PTPRS: variants seen among roughly 807,000 people sequenced by gnomAD.
PTPRS encodes receptor-type tyrosine-protein phosphatase S.
A neutral mutation model predicts 215.3 loss-of-function variants in PTPRS; 63 were observed. The ratio of observed to expected loss-of-function variants is 0.29; its 90% CI spans 0.24 to 0.36. The LOEUF (loss-of-function observed/expected upper bound fraction) is 0.36. Among genes scored for constraint, PTPRS ranks in the 10% least tolerant of loss-of-function variants. The probability of loss-of-function intolerance (pLI) is 1.00; values close to 1 mark genes in which losing one functional copy is unlikely to be tolerated. For synonymous variants in PTPRS, 1,404 were observed against 1,191.4 expected (o/e 1.18, Z -3.68); for missense variants, 2,258 against 2,825.8 (o/e 0.80, Z 4.56).
At chr19:5,208,886 C>G (rs527981694) in intron 35 of PTPRS, among the ~76,000 whole-genome samples, 1 of 152,160 alleles carries the variant, frequency 6.6e-6, no homozygotes, top group African/African-American at 2.4e-5. Context: ...CACCATGATC[C>G]TCTGTCATCT....
At chr19:5,253,063 T>TTA (rs1205624648) in intron 9 of PTPRS, among the ~76,000 whole-genome samples, 1 of 152,084 alleles carries the variant, frequency 6.6e-6, no homozygotes. Flanking sequence ...ACTCATACTC[T>TTA]AAAGGCTTAG....
intron 2 of PTPRS, among the ~76,000 whole-genome samples, chr19:5,276,177 G>A (rs1219742964): frequency 2.0e-5 from 3 of 152,192 alleles, no homozygotes; most frequent in African/African-American, 7.2e-5. Flanking sequence ...ACGATCTGAT[G>A]TATTCATTCA....
intron 2 of PTPRS, among the ~76,000 whole-genome samples, chr19:5,277,276 T>C (rs966443133): frequency 6.6e-6 from 1 of 151,960 alleles, no homozygotes; most frequent in Non-Finnish European, 1.5e-5. Flanking sequence ...CAAGAGCCCT[T>C]AGGAAGCAGC....
chr19:5,226,610 G>A (rs1015617000), intron 16 of PTPRS, among the ~76,000 whole-genome samples: 3 of 151,494 alleles, frequency 2.0e-5, no homozygotes, highest in Non-Finnish European at 2.9e-5. Context: ...AAAGCCAGGC[G>A]TGGTGGCACA....
intron 4 of PTPRS, among the ~76,000 whole-genome samples, chr19:5,271,795 G>A (rs2046935676): frequency 6.6e-6 from 1 of 151,814 alleles, no homozygotes; most frequent in Non-Finnish European, 1.5e-5. Flanking sequence ...TGTGATCTCA[G>A]CTCACTGCAA....
At chr19:5,292,492 A>C (rs1389696818) in intron 1 of PTPRS, among the ~76,000 whole-genome samples, 1 of 152,182 alleles carries the variant, frequency 6.6e-6, no homozygotes, top group Admixed American at 6.5e-5. Context: ...CTTAGAGCCC[A>C]GGGACGGGAA....
In PTPRS at chr19:5,258,058, G is replaced by A; in HGVS notation, c.665C>T (p.Ala222Val). ...GKYECVATNSAGVRYSSPANL... is the reference protein window; with the variant it reads ...GKYECVATNSVGVRYSSPANL... Reference sequence around the variant, plus strand: ...GGCAGGTGAGGAGTAGCGCACGCCGGCGCTGTTGGTGGCCACACACTCATA... The same window carrying A: ...GGCAGGTGAGGAGTAGCGCACGCCGACGCTGTTGGTGGCCACACACTCATA... The change falls in exon 8 of 38, where the codon GCC becomes GTC. Residue 222 changes from alanine to valine, a missense_variant. By Grantham distance (64) the Ala-to-Val change is moderately conservative. This residue lies in a region of PTPRS where 508 missense variants were observed against 799.4 expected (regional missense o/e 0.64). Coordinates refer to ENST00000262963, the MANE Select transcript of PTPRS (RefSeq NM_002850.4). The A allele has an allele frequency of 3.1e-6, 5 of 1,614,158 alleles. No homozygotes were observed. The highest frequency in any genetic ancestry group is 2.2e-5 in the East Asian group (1 of 44,874).
chr19:5,263,039 C>T, intron 5 of PTPRS, 67 bp from the exon 6 acceptor site: 6 of 692,288 alleles, frequency 8.7e-6, no homozygotes, highest in South Asian at 4.6e-5. Context: ...ACAAAGAATC[C>T]TATGTCCTCA....
chr19:5,265,713 G>A (rs1020055937), intron 4 of PTPRS, among the ~76,000 whole-genome samples: 13 of 151,810 alleles, frequency 8.6e-5, no homozygotes, highest in African/African-American at 3.1e-4. Flanking sequence ...TTTCTCACTG[G>A]GGGGTGACTC....
At chr19:5,274,474 G>A (rs187811476) in intron 2 of PTPRS, 130 bp from the exon 3 acceptor site, 132 of 1,146,164 alleles carry the variant, frequency 1.2e-4, no homozygotes, top group African/African-American at 1.6e-5. Context: ...GAAGAGAGGA[G>A]GAGGAAAGCA....
In PTPRS at chr19:5,265,059, G is replaced by A. The variant is rs1568514138; in HGVS notation, c.517C>T (p.Leu173=). The A allele has an allele frequency of 1.9e-6, 3 of 1,614,168 alleles. No homozygotes were observed. The highest frequency in any genetic ancestry group is 2.2e-5 in the East Asian group (1 of 44,884). The change falls in exon 5 of 38, where the codon CTG becomes TTG. Residue 173 remains leucine, a synonymous_variant. Transcript: ENST00000262963. ...DPEITWFKDF[L]PVDPSASNGR... The stretch of plus-strand genomic sequence containing the variant: ...TTGCTGGCACTAGGATCCACAGGCA[G>A]GAAGTCCTTGAACCAGGTGATCTCA...
rs1218307808 is a variant in PTPRS at position 5,333,308 on chromosome 19, A to T, written c.-95+7356T>A. Among the ~76,000 whole-genome samples the T allele has an allele frequency of 3.3e-5, 4 of 122,174 alleles. No homozygotes were observed. The East Asian group carries it at 8.6e-4, about 26-fold the overall frequency. The allele number at this position is 122,174 out of a possible 152,430, so 80.2% of individuals were successfully genotyped here. ...CAATATGGTGAAACCCATCTCTACA[A>T]AAAAAAAATAAATAAATAATAATAA... On this transcript the variant is annotated intron_variant, in intron 1 of 37. Coordinates refer to ENST00000262963, the MANE Select transcript of PTPRS (RefSeq NM_002850.4).
At chr19:5,234,680 G>A (rs1259994604) in intron 13 of PTPRS, among the ~76,000 whole-genome samples, 1 of 151,872 alleles carries the variant, frequency 6.6e-6, no homozygotes, top group Non-Finnish European at 1.5e-5. Flanking sequence ...AACCCCTACT[G>A]CGTGCCAGGC....
chr19:5,305,068 T>C (rs1600083144), intron 1 of PTPRS, among the ~76,000 whole-genome samples: 1 of 137,452 alleles, frequency 7.3e-6, no homozygotes, highest in East Asian at 2.2e-4. Flanking sequence ...GTGGTCTCTC[T>C]GAACAGGTGT....
rs146212544 is a variant in PTPRS, at chr19:5,323,696, G to C, written c.-95+16968C>G. ...GAGGGGACGGCAGGGAAGGGATGGA[G>C]CAGGTTGTGCAAGGCCTGGTGGGCT... is the stretch of plus-strand genomic sequence containing the variant. On this transcript the variant is annotated intron_variant, in intron 1 of 37. Transcript: ENST00000262963. 4.6e-3 allele frequency among the ~76,000 whole-genome samples: 703 copies of C among 152,350 alleles called. 5 individuals carry two copies. The highest frequency in any genetic ancestry group is 0.017 in the African/African-American group (687 of 41,590).
intron 2 of PTPRS, among the ~76,000 whole-genome samples, chr19:5,276,415 G>T (rs2047367440): frequency 6.6e-6 from 1 of 151,954 alleles, no homozygotes; most frequent in Non-Finnish European, 1.5e-5. Context: ...TAGAGATGGG[G>T]TTTCACCATG....
At position 5,255,691 on chromosome 19, in the gene PTPRS, A is replaced by G. The variant is rs560449387; in HGVS notation, c.718+417T>C. 2.0e-5 allele frequency among the ~76,000 whole-genome samples: 3 copies of G among 152,372 alleles called. No individual in the cohort carries two copies. In the South Asian group the frequency reaches 6.2e-4, roughly 32 times the overall value. On this transcript the variant is annotated intron_variant, in intron 9 of 37. Coordinates refer to ENST00000262963, the MANE Select transcript of PTPRS (RefSeq NM_002850.4). ...GAAGGCGTTGGGAATTCACCAAACCAAACCGACAAGAGAGGCATGCAGAGA... is the reference window on the plus strand; with the variant it reads ...GAAGGCGTTGGGAATTCACCAAACCGAACCGACAAGAGAGGCATGCAGAGA...
chr19:5,234,724 G>T (rs1298366466), intron 13 of PTPRS, among the ~76,000 whole-genome samples: 1 of 151,962 alleles, frequency 6.6e-6, no homozygotes, highest in East Asian at 1.9e-4. Flanking sequence ...AAAGTTAATA[G>T]TCCCCATGTA....
Position 5,231,326 on chromosome 19 carries a change from G to C in PTPRS, c.2139C>G (p.Val713=). The C allele has an allele frequency of 6.2e-7, 1 of 1,609,204 alleles. No homozygotes were observed. The highest frequency in any genetic ancestry group is 8.5e-7 in the Non-Finnish European group (1 of 1,179,552). The change falls in exon 14 of 38, where the codon GTC becomes GTG. Residue 713 remains valine, a synonymous_variant. Coordinates refer to ENST00000262963, the MANE Select transcript of PTPRS (RefSeq NM_002850.4). The stretch of plus-strand genomic sequence containing the variant: ...GGTACTTACCATCCTCGTCGGTGCG[G>C]ACGACCACGGGCGAGCTCTCGGGCC... ...GPGPESSPVV[V]RTDEDVPSAP...
Sources: gnomAD v4.1 joint callset for allele counts (sites outside exome capture counted in the v4.1 genomes callset) on GRCh38, gnomAD v4.1.1 for gene constraint, gnomAD v4.1.1 regional missense constraint, MANE v1.5 for transcripts, NCBI Gene and HGNC (gene_info 2026-07-23, HGNC 2026-07-21) for gene names.